The following CDH4 variants were observed in gnomAD, a reference collection of about 807,000 sequenced individuals.
CDH4 encodes the protein cadherin 4.
CDH4 carries 33 observed loss-of-function variants against 86.0 expected under a neutral mutation model. That is an observed-to-expected ratio of 0.38 (90% CI 0.29 to 0.51). CDH4 has a LOEUF of 0.51. Ranked by LOEUF, CDH4 falls within the 20% of genes least tolerant of loss-of-function variation. The pLI, the probability that CDH4 is intolerant of heterozygous loss-of-function variation, is 0.86. For synonymous variants in CDH4, 555 were observed against 549.4 expected (o/e 1.01, Z -0.14); for missense variants, 1,114 against 1,307.4 (o/e 0.85, Z 2.28).
intron 9 of CDH4, among the ~76,000 whole-genome samples, chr20:61,920,605 A>T (rs2054966824): frequency 7.7e-6 from 1 of 130,110 alleles, no homozygotes; most frequent in Admixed American, 7.7e-5. Context: ...GCGTGGTGTC[A>T]CAGTGATTGC....
At chr20:61,793,854 A>G (rs78667711) in intron 4 of CDH4, among the ~76,000 whole-genome samples, 5,800 of 129,528 alleles carry the variant, frequency 0.045, 195 homozygotes, top group East Asian at 0.11. Context: ...AAAAAAAAAA[A>G]GAGGCCAGGT....
Position 61,844,815 on chromosome 20 carries a change from TCTTAC to T in CDH4, c.726_730del (p.Tyr243ProfsTer28). 1 of 1,611,922 alleles carries T rather than the reference TCTTAC, an allele frequency of 6.2e-7. No homozygotes were observed. The highest frequency in any genetic ancestry group is 8.5e-7 in the Non-Finnish European group (1 of 1,178,626). On this transcript the variant is annotated frameshift_variant, in exon 5 of 16. Coordinates refer to ENST00000614565, the MANE Select transcript of CDH4 (RefSeq NM_001794.5). LOFTEE classifies it high-confidence loss of function. ...GCCCATGGACCGGGAGGAGCACGCC[TCTTAC>T]CACGTGAGTGTCCACACCCGGCTGA... is the stretch of plus-strand genomic sequence containing the variant.
intron 4 of CDH4, among the ~76,000 whole-genome samples, chr20:61,774,489 T>C (rs1298686771): frequency 2.0e-5 from 3 of 152,252 alleles, no homozygotes; most frequent in African/African-American, 7.2e-5. Context: ...TGTCATTGAC[T>C]TAAAATTCGT....
intron 8 of CDH4, among the ~76,000 whole-genome samples, chr20:61,904,701 G>T (rs2054769789): frequency 2.0e-5 from 3 of 152,248 alleles, no homozygotes. Context: ...CCACCCTGCT[G>T]TGGGGAACAG....
chr20:61,839,954 G>A (rs1568843419), intron 4 of CDH4, among the ~76,000 whole-genome samples: 1 of 151,156 alleles, frequency 6.6e-6, no homozygotes, highest in African/African-American at 2.4e-5. Context: ...TTGTGTGCAT[G>A]GTGTGTGTGT....
chr20:61,525,626 G>T (rs954288625), intron 2 of CDH4, among the ~76,000 whole-genome samples: 4 of 152,204 alleles, frequency 2.6e-5, no homozygotes, highest in African/African-American at 9.6e-5. Flanking sequence ...TAGCTGCCGT[G>T]TGCTCGGCTC....
intron 9 of CDH4, among the ~76,000 whole-genome samples, chr20:61,920,817 C>CACG (rs201312219): frequency 8.8e-6 from 1 of 113,348 alleles, no homozygotes; most frequent in African/African-American, 3.5e-5. Flanking sequence ...AGCGTGGTGT[C>CACG]GTGATTGCAT....
intron 2 of CDH4, among the ~76,000 whole-genome samples, chr20:61,263,121 G>A (rs1278649451): frequency 6.6e-6 from 1 of 152,158 alleles, no homozygotes; most frequent in African/African-American, 2.4e-5. Flanking sequence ...GGGCGGTAAA[G>A]TTCTCCCCGG....
At chr20:61,400,096 T>TAG (rs1048859245) in intron 2 of CDH4, among the ~76,000 whole-genome samples, 2 of 152,186 alleles carry the variant, frequency 1.3e-5, no homozygotes, top group African/African-American at 4.8e-5. Context: ...GCCCTAACTG[T>TAG]AGAGAACAGC....
intron 2 of CDH4, among the ~76,000 whole-genome samples, chr20:61,262,363 A>G (rs1189944088): frequency 6.6e-6 from 1 of 151,948 alleles, no homozygotes; most frequent in Non-Finnish European, 1.5e-5. Context: ...AACAGTCTGA[A>G]GATGTGGTGC....
chr20:61,903,802 T>C (rs905349851), intron 8 of CDH4, among the ~76,000 whole-genome samples: 1 of 152,110 alleles, frequency 6.6e-6, no homozygotes, highest in Admixed American at 6.5e-5. Flanking sequence ...TCAGTTTCGT[T>C]ACCTGCAAAA....
chr20:61,454,324 T>C (rs1228255519), intron 2 of CDH4, among the ~76,000 whole-genome samples: 1 of 152,040 alleles, frequency 6.6e-6, no homozygotes, highest in Non-Finnish European at 1.5e-5. Flanking sequence ...AACTTTGTTA[T>C]GGGGACATGC....
At chr20:61,285,178 G>A (rs1282180283) in intron 2 of CDH4, among the ~76,000 whole-genome samples, 1 of 152,192 alleles carries the variant, frequency 6.6e-6, no homozygotes, top group Non-Finnish European at 1.5e-5. Context: ...CCCTCCTAGT[G>A]GCATTATAAA....
intron 2 of CDH4, among the ~76,000 whole-genome samples, chr20:61,286,507 G>A (rs1228497586): frequency 6.6e-6 from 1 of 152,214 alleles, no homozygotes; most frequent in East Asian, 1.9e-4. Context: ...GGGCGTGTAC[G>A]GGTTTCAGTT....
intron 2 of CDH4, among the ~76,000 whole-genome samples, chr20:61,487,341 G>A (rs560572453): frequency 1.3e-5 from 2 of 152,274 alleles, no homozygotes; most frequent in East Asian, 1.9e-4. Context: ...AAGGAAGTGA[G>A]GGGTGAGGAA....
rs1030689934 is a variant in CDH4 at position 61,480,411 on chromosome 20, T to C, written c.169+225474T>C. ...TCCAAGGTGGGTGGTGGATACACAG[T>C]CCCTGCCACGCCATCTCTGGGAAGC... On this transcript the variant is annotated intron_variant, in intron 2 of 15. Transcript: ENST00000614565. The surrounding 1 kb of genome is among the most constrained non-coding windows in gnomAD (Gnocchi z 5.2). 2.0e-5 allele frequency among the ~76,000 whole-genome samples: 3 copies of C among 152,200 alleles called. No individual in the cohort carries two copies. The highest frequency in any genetic ancestry group is 7.2e-5 in the African/African-American group (3 of 41,444).
chr20:61,589,274 A>G (rs2086500403), intron 2 of CDH4, among the ~76,000 whole-genome samples: 1 of 152,230 alleles, frequency 6.6e-6, no homozygotes, highest in Non-Finnish European at 1.5e-5. Flanking sequence ...AAAAAACACG[A>G]GGCTTCCTTC....
chr20:61,533,357 C>A (rs1398883851), intron 2 of CDH4, among the ~76,000 whole-genome samples: 5 of 152,208 alleles, frequency 3.3e-5, no homozygotes, highest in African/African-American at 1.2e-4. Flanking sequence ...CTGCAGGGGC[C>A]CCTGGTCAAG....
intron 2 of CDH4, among the ~76,000 whole-genome samples, chr20:61,486,163 T>C (rs757537678): frequency 6.6e-6 from 1 of 152,230 alleles, no homozygotes; most frequent in Non-Finnish European, 1.5e-5. Flanking sequence ...AAATGTCCAA[T>C]GCTGCTGCAT....
Sources: allele counts gnomAD v4.1 joint callset (sites outside exome capture counted in the v4.1 genomes callset), GRCh38; gene constraint gnomAD v4.1.1; non-coding constraint Gnocchi (gnomAD v3.1); transcripts MANE v1.5; gene names NCBI Gene and HGNC (gene_info 2026-07-23, HGNC 2026-07-21).